HMCN1: variants seen among roughly 807,000 people sequenced by gnomAD.
HMCN1 encodes the protein hemicentin-1.
HMCN1 carries 321 observed loss-of-function variants against 625.9 expected under a neutral mutation model. The ratio of observed to expected loss-of-function variants is 0.51; its 90% CI spans 0.47 to 0.56. The LOEUF (loss-of-function observed/expected upper bound fraction) is 0.56. Among genes scored for constraint, HMCN1 ranks in the 20% least tolerant of loss-of-function variants. The pLI is 0.00. For synonymous variants in HMCN1, 2,425 were observed against 2,417.6 expected (o/e 1.00, Z -0.09); for missense variants, 6,588 against 6,887.3 (o/e 0.96, Z 1.54).
Position 186,018,311 on chromosome 1 carries a change from C to T in HMCN1, c.5429C>T (p.Thr1810Ile), listed in dbSNP as rs762828676. The change falls in exon 34 of 107, where the codon ACT becomes ATT. Residue 1810 changes from threonine (T) to isoleucine (I), a missense_variant. Physicochemically the swap from Thr to Ile is moderately conservative, Grantham distance 89. Around this residue, in one of 3 missense-constraint regions of HMCN1, gnomAD observed 4,628 missense variants for 4,853.1 expected, o/e 0.95. Transcript: ENST00000271588. ...CTTTATCGGTGCATGGCAGCAAATA[C>T]TGCTGGAGACCACAAGAAGGAATTT... ...TGLYRCMAAN[T>I]AGDHKKEFEV... The T allele has an allele frequency of 1.9e-6, 3 of 1,612,886 alleles. No homozygotes were observed. The South Asian group carries it at 3.3e-5, about 18-fold the overall frequency.
rs1471838254 is a variant in HMCN1 at position 186,152,739 on chromosome 1, G to T, written c.14897-11G>T. On this transcript the variant is annotated splice_polypyrimidine_tract_variant and intron_variant, in intron 95 of 106. Transcript: ENST00000271588. ...TTTTTGCTGTCAAAATGAATGTCTTGTAATTCCCAGGAGAAATCTTGCAGA... is the reference window on the plus strand; with the variant it reads ...TTTTTGCTGTCAAAATGAATGTCTTTTAATTCCCAGGAGAAATCTTGCAGA... 1 of 1,613,588 alleles carries T rather than the reference G, an allele frequency of 6.2e-7. No individual in the cohort carries two copies. The highest frequency in any genetic ancestry group is 8.5e-7 in the Non-Finnish European group (1 of 1,179,570).
Position 186,016,126 on chromosome 1 carries a change from G to A in HMCN1, c.5078G>A (p.Gly1693Asp). The A allele has an allele frequency of 1.2e-6, 2 of 1,613,490 alleles. No homozygotes were observed. The highest frequency in any genetic ancestry group is 1.7e-6 in the Non-Finnish European group (2 of 1,179,596). The change falls in exon 32 of 107, where the codon GGT (glycine) becomes GAT (aspartate). Residue 1693 changes from glycine (G) to aspartate (D), a missense_variant. Physicochemically the swap from Gly to Asp is moderately conservative, Grantham distance 94. Transcript: ENST00000271588. ...AATGACAATATCCGCATAGAAGCTG[G>A]TGGGAAGAAACTCGAAATCATGAGT... ...KANDNIRIEAGGKKLEIMSAQ... is the reference protein window; with the variant it reads ...KANDNIRIEADGKKLEIMSAQ...
At chr1:185,960,689 T>C (rs1037280697) in intron 11 of HMCN1, among the ~76,000 whole-genome samples, 24 of 152,222 alleles carry the variant, frequency 1.6e-4, no homozygotes, top group Non-Finnish European at 5.9e-5. Flanking sequence ...CAGACTACAT[T>C]GGAAGACACC....
intron 1 of HMCN1, among the ~76,000 whole-genome samples, chr1:185,778,824 A>C (rs144324274): frequency 0.024 from 3,620 of 152,226 alleles, 138 homozygotes; most frequent in African/African-American, 0.082. Context: ...ATGTGTCTTT[A>C]TAGCAGCATG....
At chr1:185,758,820 T>C (rs938027526) in intron 1 of HMCN1, among the ~76,000 whole-genome samples, 1 of 152,196 alleles carries the variant, frequency 6.6e-6, no homozygotes, top group African/African-American at 2.4e-5. Flanking sequence ...GGCATTTTCA[T>C]GCAGTTTTTT....
chr1:186,054,800 G>A (rs567803711), intron 44 of HMCN1, among the ~76,000 whole-genome samples: 21 of 152,082 alleles, frequency 1.4e-4, no homozygotes, highest in Middle Eastern at 6.8e-3. Flanking sequence ...TGTTATTGTG[G>A]TATCAATTCC....
At chr1:185,768,002 T>C (rs778671302) in intron 1 of HMCN1, among the ~76,000 whole-genome samples, 2 of 152,204 alleles carry the variant, frequency 1.3e-5, no homozygotes, top group African/African-American at 2.4e-5. Context: ...TTAATGTTAA[T>C]AGCCCTTAAC....
intron 52 of HMCN1, 32 bp downstream of exon 52, chr1:186,070,789 T>C (rs1658432176): frequency 6.2e-7 from 1 of 1,607,946 alleles, no homozygotes; most frequent in South Asian, 1.1e-5. Flanking sequence ...TTGCTGATGA[T>C]TTCTTAAAGA....
At chr1:185,941,519 A>G (rs1668079999) in intron 11 of HMCN1, among the ~76,000 whole-genome samples, 1 of 152,208 alleles carries the variant, frequency 6.6e-6, no homozygotes, top group South Asian at 2.1e-4. Context: ...AGTCCTTTAA[A>G]TTCTTTCTGA....
At chr1:185,905,733 G>T (rs1666063211) in intron 4 of HMCN1, among the ~76,000 whole-genome samples, 1 of 151,750 alleles carries the variant, frequency 6.6e-6, no homozygotes, top group South Asian at 2.1e-4. Context: ...TTTAAGCATT[G>T]GTTATAGCAT....
At chr1:186,088,538 A>G in intron 62 of HMCN1, 68 bp from the exon 63 acceptor site, 1 of 1,544,580 alleles carries the variant, frequency 6.5e-7, no homozygotes, top group Non-Finnish European at 8.8e-7. Context: ...ACATTTTATC[A>G]TGAATTTTAG....
chr1:185,814,680 T>G (rs1659732735), intron 1 of HMCN1, among the ~76,000 whole-genome samples: 1 of 141,016 alleles, frequency 7.1e-6, no homozygotes, highest in South Asian at 2.1e-4. Context: ...TTTATTTTTT[T>G]TAATTATTAT....
intron 24 of HMCN1, among the ~76,000 whole-genome samples, chr1:185,995,300 G>A (rs1652709818): frequency 6.6e-6 from 1 of 152,012 alleles, no homozygotes; most frequent in Non-Finnish European, 1.5e-5. Context: ...TACTTTTGAA[G>A]CAAAGTTGCC....
At chr1:185,825,037 A>G (rs1660427705) in intron 1 of HMCN1, among the ~76,000 whole-genome samples, 1 of 152,098 alleles carries the variant, frequency 6.6e-6, no homozygotes, top group Non-Finnish European at 1.5e-5. Context: ...CCATCATTAT[A>G]TTAGATTTTA....
intron 26 of HMCN1, among the ~76,000 whole-genome samples, chr1:186,000,675 CATATA>C (rs1202615331): frequency 6.6e-6 from 1 of 151,642 alleles, no homozygotes; most frequent in East Asian, 1.9e-4. Context: ...AAAACGTACA[CATATA>C]ATAGAACATT....
chr1:186,165,036 G>C, intron 97 of HMCN1, 75 bp from the exon 98 acceptor site: 3 of 1,245,710 alleles, frequency 2.4e-6, no homozygotes, highest in Non-Finnish European at 3.5e-6. Context: ...TCTTCCCAGG[G>C]AAGATGGTAC....
intron 4 of HMCN1, 106 bp from the exon 5 acceptor site, chr1:185,909,231 C>T: frequency 2.4e-6 from 2 of 826,022 alleles, no homozygotes; most frequent in Admixed American, 1.8e-5. Context: ...CACACCAGTC[C>T]AGGATGTGCC....
intron 4 of HMCN1, among the ~76,000 whole-genome samples, chr1:185,894,224 C>T (rs1339023158): frequency 6.6e-6 from 1 of 152,108 alleles, no homozygotes; most frequent in African/African-American, 2.4e-5. Flanking sequence ...CAAATTGTGT[C>T]CTTCGTATAA....
At chr1:185,750,061 T>A (rs1243279922) in intron 1 of HMCN1, among the ~76,000 whole-genome samples, 1 of 152,224 alleles carries the variant, frequency 6.6e-6, no homozygotes. Context: ...TTATTTTTCT[T>A]TATAGAATTT....
Sources: allele counts gnomAD v4.1 joint callset (sites outside exome capture counted in the v4.1 genomes callset), GRCh38; gene constraint gnomAD v4.1.1; regional missense constraint gnomAD v4.1.1; transcripts MANE v1.5; gene names NCBI Gene and HGNC (gene_info 2026-07-23, HGNC 2026-07-21).